Variants in HUWE1 observed in about 807,000 individuals in gnomAD.
The protein encoded by HUWE1 is E3 ubiquitin-protein ligase HUWE1.
In HUWE1, 18 loss-of-function variants were observed where a neutral mutation model predicts 299.4. The ratio of observed to expected loss-of-function variants is 0.06; its 90% CI spans 0.04 to 0.09. HUWE1 has a LOEUF of 0.09. Ranked by LOEUF, HUWE1 falls within the 10% of genes least tolerant of loss-of-function variation. HUWE1 has a pLI of 1.00. For synonymous variants in HUWE1, 1,317 were observed against 1,286.1 expected (o/e 1.02, Z -0.51); for missense variants, 1,832 against 3,462.3 (o/e 0.53, Z 11.82).
At chrX:53,608,759 G>C in intron 24 of HUWE1, 93 bp downstream of exon 24, 1 of 602,260 alleles carries the variant, frequency 1.7e-6, no homozygotes, top group Non-Finnish European at 2.9e-6. Flanking sequence ...CAATTAAAAT[G>C]AATACGGTAA....
rs145399523 is a variant in HUWE1, at chrX:53,538,914, T to G, written c.11799A>C (p.Pro3933=). The G allele has an allele frequency of 1.7e-6, 2 of 1,203,686 alleles. No homozygotes were observed. Among genetic ancestry groups the G allele is most frequent in the Non-Finnish European group, 2.2e-6 (2 of 892,166 alleles). ...TAGATGAGGGCTCCCGGGAGAAGAA[T>G]GGGTCAAGGGAGGAAGGCGTGGCTG... ...LTPATPSSLD[P]FFSREPSSMH... Residue 3933 remains proline, a synonymous_variant, in exon 76 of 84, where the codon CCA becomes CCC. Coordinates refer to ENST00000262854, the MANE Select transcript of HUWE1 (RefSeq NM_031407.7).
At chrX:53,617,209 G>A (rs1416747975) in intron 20 of HUWE1, 62 bp from the exon 21 acceptor site, 10 of 1,077,931 alleles carry the variant, frequency 9.3e-6, no homozygotes, top group East Asian at 6.3e-5. Context: ...AGGAAAATCC[G>A]GCCATGGGTA....
At chrX:53,626,240 TGTGTG>T (rs2066496514) in intron 17 of HUWE1, among the ~76,000 whole-genome samples, 2 of 109,282 alleles carry the variant, frequency 1.8e-5, no homozygotes, top group Non-Finnish European at 3.8e-5. Flanking sequence ...TGTGTGTGTG[TGTGTG>T]TGTGTGTGTG....
At chrX:53,535,655 G>A (rs782593478) in intron 80 of HUWE1, among the ~76,000 whole-genome samples, 154 bp from the exon 81 acceptor site, 16 of 111,685 alleles carry the variant, frequency 1.4e-4, no homozygotes, top group East Asian at 5.6e-4. Flanking sequence ...CTCATAGCTC[G>A]CAACTCCCCT....
chrX:53,612,185 C>T (rs782202943), intron 23 of HUWE1, among the ~76,000 whole-genome samples: 1 of 111,802 alleles, frequency 8.9e-6, no homozygotes, highest in Non-Finnish European at 1.9e-5. Flanking sequence ...TTTCTTCCTT[C>T]CCTAATAATT....
chrX:53,593,711 C>T (rs782137456), intron 31 of HUWE1, 110 bp from the exon 32 acceptor site: 1 of 559,430 alleles, frequency 1.8e-6, no homozygotes, highest in African/African-American at 2.3e-5. Context: ...CGTCCCTCTT[C>T]TTAGAGCTAT....
intron 6 of HUWE1, among the ~76,000 whole-genome samples, chrX:53,647,055 G>A (rs1472689293): frequency 1.8e-5 from 2 of 111,349 alleles, no homozygotes; most frequent in East Asian, 5.6e-4. Flanking sequence ...AGTAATGTGG[G>A]GCTGCTCTAA....
Position 53,562,907 on chromosome X carries a change from T to C in HUWE1, c.7128A>G (p.Glu2376=). 8.3e-7 allele frequency: 1 copy of C among 1,209,979 alleles called. No homozygotes were observed. Among genetic ancestry groups the C allele is most frequent in the South Asian group, 1.8e-5 (1 of 56,948 alleles). Residue 2376 remains glutamate (E), a synonymous_variant, in exon 53 of 84, where the codon GAA becomes GAG. Transcript: ENST00000262854. ...TIIVSRSGED[E]SQEDVLMDEA... is the part of the protein sequence containing the mutation. ...CATCCATCAGCACGTCCTCTTGTGA[T>C]TCATCCTCTCCACTTCTGCTCACTG...
intron 43 of HUWE1, among the ~76,000 whole-genome samples, chrX:53,579,018 C>T (rs868966503): frequency 4.6e-5 from 2 of 43,838 alleles, no homozygotes; most frequent in Admixed American, 2.6e-4. Context: ...CCGCCCCGTC[C>T]GGGAGGGAGG....
At chrX:53,683,072 C>A (rs1281164578) in intron 2 of HUWE1, among the ~76,000 whole-genome samples, 1 of 111,382 alleles carries the variant, frequency 9.0e-6, no homozygotes, top group Non-Finnish European at 1.9e-5. Flanking sequence ...TAAATGCAGG[C>A]AACAGGATAA....
intron 45 of HUWE1, among the ~76,000 whole-genome samples, 167 bp from the exon 46 acceptor site, chrX:53,575,388 A>C (rs1313929597): frequency 9.0e-6 from 1 of 111,691 alleles, no homozygotes; most frequent in Non-Finnish European, 1.9e-5. Context: ...GCTATTATAA[A>C]TACAGTGACT....
chrX:53,581,135 T>C (rs1257301334), intron 42 of HUWE1, 109 bp from the exon 43 acceptor site: 2 of 677,294 alleles, frequency 3.0e-6, no homozygotes, highest in Non-Finnish European at 4.4e-6. Context: ...GAGAATGACA[T>C]TTTATTTTTA....
chrX:53,633,716 A>G (rs1557024509), intron 8 of HUWE1, among the ~76,000 whole-genome samples: 1 of 112,603 alleles, frequency 8.9e-6, no homozygotes, highest in East Asian at 2.8e-4. Flanking sequence ...GTAGCTCCAC[A>G]GCAACATATC....
chrX:53,534,843 C>G (rs1170657848), intron 81 of HUWE1, 146 bp from the exon 82 acceptor site: 1 of 497,592 alleles, frequency 2.0e-6, no homozygotes, highest in South Asian at 3.2e-5. Context: ...CCAGGCTAGT[C>G]TCAACCCCCT....
chrX:53,587,594 C>T (rs1309375019), intron 37 of HUWE1, among the ~76,000 whole-genome samples: 2 of 111,573 alleles, frequency 1.8e-5, no homozygotes, highest in Non-Finnish European at 3.8e-5. Context: ...GATGGGGGTC[C>T]ATGAATGATT....
intron 3 of HUWE1, among the ~76,000 whole-genome samples, chrX:53,663,928 T>C (rs1423236955): frequency 1.8e-5 from 2 of 111,091 alleles, no homozygotes; most frequent in African/African-American, 3.3e-5. Flanking sequence ...TTATTAGTAG[T>C]TGGCCTTTAA....
chrX:53,582,125 T>C (rs1305984888), intron 42 of HUWE1, among the ~76,000 whole-genome samples: 2 of 112,336 alleles, frequency 1.8e-5, no homozygotes, highest in African/African-American at 6.5e-5. Context: ...TGATGTTCCT[T>C]TGTTTCCCAC....
At chrX:53,572,957 A>G (rs1206128960) in intron 47 of HUWE1, among the ~76,000 whole-genome samples, 2 of 110,922 alleles carry the variant, frequency 1.8e-5, no homozygotes, top group Admixed American at 9.6e-5. Context: ...AATTAAAAAA[A>G]CCCCCACAAA....
chrX:53,553,394 G>A (rs944663665), intron 61 of HUWE1, among the ~76,000 whole-genome samples: 3 of 107,328 alleles, frequency 2.8e-5, no homozygotes, highest in Non-Finnish European at 5.8e-5. Context: ...CACCTGCCTC[G>A]GCCTCCCAAA....
Sources: gnomAD v4.1 joint callset for allele counts (sites outside exome capture counted in the v4.1 genomes callset) on GRCh38, gnomAD v4.1.1 for gene constraint, MANE v1.5 for transcripts, NCBI Gene and HGNC (gene_info 2026-07-23, HGNC 2026-07-21) for gene names.